Variants in CTNNAL1 observed in about 807,000 individuals in gnomAD.
The protein encoded by CTNNAL1 is alpha-catulin.
A neutral mutation model predicts 93.6 loss-of-function variants in CTNNAL1; 69 were observed. That is an observed-to-expected ratio of 0.74 (90% CI 0.61 to 0.90). CTNNAL1 has a LOEUF of 0.90. Among genes scored for constraint, CTNNAL1 ranks in the 40% least tolerant of loss-of-function variants. CTNNAL1 has a pLI of 0.00. For missense variants in CTNNAL1, 836 were observed against 862.0 expected (o/e 0.97, Z 0.38); for synonymous variants, 286 against 305.4 (o/e 0.94, Z 0.66).
chr9:108,985,746 A>G (rs1261320237), intron 4 of CTNNAL1, among the ~76,000 whole-genome samples: 1 of 152,214 alleles, frequency 6.6e-6, no homozygotes, highest in African/African-American at 2.4e-5. Context: ...CATTTTGGAC[A>G]GGACTCCTTT....
chr9:108,944,877 G>T (rs1482422449), intron 15 of CTNNAL1, among the ~76,000 whole-genome samples: 1 of 152,098 alleles, frequency 6.6e-6, no homozygotes. Context: ...GCTATCACTG[G>T]ATAAAATGAT....
intron 10 of CTNNAL1, among the ~76,000 whole-genome samples, chr9:108,967,526 A>T (rs1830992399): frequency 1.3e-5 from 2 of 152,240 alleles, no homozygotes; most frequent in Admixed American, 1.3e-4. Flanking sequence ...CTCACATTAT[A>T]ACAAGCAGTG....
rs1346925867 is a variant in CTNNAL1, at chr9:108,991,669, A to G, written c.520-824T>C. Among the ~76,000 whole-genome samples, 3 of 152,276 alleles carry G rather than the reference A, an allele frequency of 2.0e-5. No individual in the cohort carries two copies. The East Asian group carries it at 5.8e-4, about 29-fold the overall frequency. Reference sequence around the variant, plus strand: ...AACACTGATAAGGCACGTTGCCACCACTGTGAGAACCTCCATCTTTCAAAG... The same window carrying G: ...AACACTGATAAGGCACGTTGCCACCGCTGTGAGAACCTCCATCTTTCAAAG... On this transcript the variant is annotated intron_variant, in intron 3 of 18. Coordinates refer to ENST00000325551, the MANE Select transcript of CTNNAL1 (RefSeq NM_003798.4).
At chr9:108,967,420 T>A (rs1175392206) in intron 10 of CTNNAL1, among the ~76,000 whole-genome samples, 1 of 152,170 alleles carries the variant, frequency 6.6e-6, no homozygotes, top group African/African-American at 2.4e-5. Context: ...TGACTATTCA[T>A]TCACCCACTA....
At chr9:108,965,891 G>C (rs1177399364) in intron 10 of CTNNAL1, among the ~76,000 whole-genome samples, 2 of 152,186 alleles carry the variant, frequency 1.3e-5, no homozygotes, top group East Asian at 3.8e-4. Flanking sequence ...AAAGGTAGCA[G>C]TAATAGTGGT....
chr9:108,977,880 G>A (rs1004867170), intron 7 of CTNNAL1, among the ~76,000 whole-genome samples: 3 of 151,892 alleles, frequency 2.0e-5, no homozygotes, highest in Non-Finnish European at 4.4e-5. Flanking sequence ...ACCCCTTCCC[G>A]CAAATTTCTA....
intron 2 of CTNNAL1, among the ~76,000 whole-genome samples, chr9:108,994,155 T>C (rs1831922705): frequency 6.6e-6 from 1 of 151,652 alleles, no homozygotes; most frequent in South Asian, 2.1e-4. Flanking sequence ...CGCTTGGACC[T>C]GGGAAGCGGA....
At chr9:109,004,060 G>A (rs1209868374) in intron 1 of CTNNAL1, among the ~76,000 whole-genome samples, 2 of 152,278 alleles carry the variant, frequency 1.3e-5, no homozygotes, top group East Asian at 3.9e-4. Flanking sequence ...TAAAGTCACT[G>A]TGGTTTTCAT....
intron 14 of CTNNAL1, chr9:108,950,769 G>A (rs1168075010): frequency 1.3e-6 from 1 of 792,882 alleles, no homozygotes; most frequent in Non-Finnish European, 1.9e-6. Flanking sequence ...TCTCTTGGAA[G>A]TGAAGCTGCC....
chr9:108,972,864 G>GGGGGGGGGGCGCCCCCCC, intron 8 of CTNNAL1, 31 bp from the exon 9 acceptor site: 4 of 142,566 alleles, frequency 2.8e-5, no homozygotes, highest in Non-Finnish European at 4.0e-5. Context: ...GGGGGGGTGG[G>GGGGGGGGGGCGCCCCCCC]AGGGTGGAGA....
chr9:109,012,723 G>C (rs1396861319), intron 1 of CTNNAL1, among the ~76,000 whole-genome samples: 1 of 152,242 alleles, frequency 6.6e-6, no homozygotes, highest in Non-Finnish European at 1.5e-5. Flanking sequence ...AGCAGGTTCA[G>C]GGGAAGGGGT....
At position 109,011,785 on chromosome 9, in the gene CTNNAL1, T is replaced by C. The variant is rs1301914899; in HGVS notation, c.141+1517A>G. ...TCCTCTCCCATACCACGAGAATATA[T>C]ACCAACTTCACATGATTGTTATGAG... is the stretch of plus-strand genomic sequence containing the variant. On this transcript the variant is annotated intron_variant, in intron 1 of 18. Transcript: ENST00000325551. Among the ~76,000 whole-genome samples, 10 of 152,360 alleles carry C rather than the reference T, an allele frequency of 6.6e-5. No homozygotes were observed. In the East Asian group the frequency reaches 1.9e-3, roughly 29 times the overall value.
rs1831859870 is a variant in CTNNAL1 at position 108,992,756 on chromosome 9, A to G, written c.395T>C (p.Ile132Thr). ...TCCTGTTTTGTCTGTAAAAATTGTG[A>G]TCTGCCCATCAGATTCCAGATGGTT... ...NLNHLESDGQITIFTDKTGVI... is the reference protein window; with the variant it reads ...NLNHLESDGQTTIFTDKTGVI... Residue 132 changes from isoleucine (I) to threonine (T), a missense_variant, in exon 3 of 19, where the codon ATC (isoleucine) becomes ACC (threonine). Coordinates refer to ENST00000325551, the MANE Select transcript of CTNNAL1 (RefSeq NM_003798.4). The G allele has an allele frequency of 6.2e-7, 1 of 1,613,984 alleles. No individual in the cohort carries two copies. Among genetic ancestry groups the G allele is most frequent in the Non-Finnish European group, 8.5e-7 (1 of 1,179,954 alleles).
chr9:108,943,671 A>AT, intron 17 of CTNNAL1, 32 bp downstream of exon 17: 1 of 1,569,458 alleles, frequency 6.4e-7, no homozygotes, highest in Non-Finnish European at 8.7e-7. Context: ...ATAAAGATAG[A>AT]TGTGTGAAAG....
At chr9:109,005,981 A>G (rs1022638159) in intron 1 of CTNNAL1, among the ~76,000 whole-genome samples, 2 of 152,218 alleles carry the variant, frequency 1.3e-5, no homozygotes, top group Non-Finnish European at 2.9e-5. Flanking sequence ...AATATGTAAC[A>G]TTCTTTATTT....
chr9:108,999,386 T>G, intron 1 of CTNNAL1, 130 bp from the exon 2 acceptor site: 1 of 825,520 alleles, frequency 1.2e-6, no homozygotes, highest in Non-Finnish European at 1.8e-6. Context: ...TTAGAGATGC[T>G]TCAACAGAGA....
chr9:108,983,274 G>T lies in CTNNAL1; in HGVS notation c.771C>A (p.Asn257Lys). The change falls in exon 6 of 19, where the codon AAC (asparagine) becomes AAA (lysine). Residue 257 changes from asparagine (N) to lysine (K), a missense_variant. By Grantham distance (94) the Asn-to-Lys change is moderately conservative (BLOSUM62 0). Transcript: ENST00000325551. Reference sequence around the variant, plus strand: ...TCATACGGTCAAATACTCCTTCTTTGTTTTTATGGGCTGATTCGCAGTTAG... The same window carrying T: ...TCATACGGTCAAATACTCCTTCTTTTTTTTTATGGGCTGATTCGCAGTTAG... ...RHPNCESAHK[N>K]KEGVFDRMKV... 1 of 1,574,922 alleles carries T rather than the reference G, an allele frequency of 6.3e-7. No homozygotes were observed. The highest frequency in any genetic ancestry group is 8.6e-7 in the Non-Finnish European group (1 of 1,161,090).
intron 8 of CTNNAL1, among the ~76,000 whole-genome samples, chr9:108,973,094 T>C (rs1373770963): frequency 6.6e-6 from 1 of 152,180 alleles, no homozygotes; most frequent in Non-Finnish European, 1.5e-5. Context: ...ATTCATCCTT[T>C]AACCCCCTGG....
At chr9:108,980,277 A>G (rs1247111421) in intron 6 of CTNNAL1, among the ~76,000 whole-genome samples, 1 of 152,138 alleles carries the variant, frequency 6.6e-6, no homozygotes, top group Non-Finnish European at 1.5e-5. Context: ...ACACATGCTC[A>G]TGTGTGCAGT....
Sources: allele counts gnomAD v4.1 joint callset (sites outside exome capture counted in the v4.1 genomes callset), GRCh38; gene constraint gnomAD v4.1.1; transcripts MANE v1.5; gene names NCBI Gene and HGNC (gene_info 2026-07-23, HGNC 2026-07-21).